MAP3K7CL: variants seen among roughly 807,000 people sequenced by gnomAD.
MAP3K7CL encodes MAP3K7 C-terminal-like protein.
Under a neutral mutation model 18.6 loss-of-function variants are expected in MAP3K7CL, and 16 were observed. The observed-to-expected ratio is 0.86, with a 90% confidence interval of 0.58 to 1.31. MAP3K7CL has a LOEUF of 1.31. Ranked by LOEUF, MAP3K7CL falls within the 50% of genes most tolerant of loss-of-function variation. MAP3K7CL has a pLI of 0.00. For synonymous variants in MAP3K7CL, 65 were observed against 66.8 expected (o/e 0.97, Z 0.13); for missense variants, 163 against 174.4 (o/e 0.93, Z 0.37).
intron 4 of MAP3K7CL, among the ~76,000 whole-genome samples, chr21:29,106,816 G>T (rs962910814): frequency 6.6e-6 from 1 of 152,178 alleles, no homozygotes; most frequent in African/African-American, 2.4e-5. Flanking sequence ...GCAGGCCTCT[G>T]CCCTACTCTC....
intron 4 of MAP3K7CL, among the ~76,000 whole-genome samples, chr21:29,103,508 A>T (rs1250054197): frequency 6.6e-6 from 1 of 152,206 alleles, no homozygotes; most frequent in Non-Finnish European, 1.5e-5. Context: ...AAGAGGGCAG[A>T]TCACTTGAGG....
At chr21:29,087,578 A>G (rs567539909) in intron 1 of MAP3K7CL, among the ~76,000 whole-genome samples, 2 of 133,464 alleles carry the variant, frequency 1.5e-5, no homozygotes, top group African/African-American at 5.6e-5. Context: ...TCTAATGCTC[A>G]TTTTCTTTTT....
intron 4 of MAP3K7CL, chr21:29,092,639 C>T (rs2086049838): frequency 3.8e-6 from 6 of 1,595,808 alleles, no homozygotes; most frequent in South Asian, 1.1e-5. Flanking sequence ...TTACACACTG[C>T]ACCATGGGAG....
intron 3 of MAP3K7CL, among the ~76,000 whole-genome samples, chr21:29,156,343 G>C (rs1189835491): frequency 6.6e-6 from 1 of 152,106 alleles, no homozygotes; most frequent in East Asian, 1.9e-4. Context: ...GTTACCCACA[G>C]GTATTCTTTT....
chr21:29,086,433 T>C (rs8133819), intron 1 of MAP3K7CL, among the ~76,000 whole-genome samples: 26,758 of 152,090 alleles, frequency 0.18, 2,648 homozygotes, highest in African/African-American at 0.27. Flanking sequence ...CCCACCCAGC[T>C]TGGAAAACAG....
intron 4 of MAP3K7CL, among the ~76,000 whole-genome samples, chr21:29,117,109 ATTTC>A (rs1456302829): frequency 2.6e-5 from 4 of 152,110 alleles, no homozygotes; most frequent in Non-Finnish European, 4.4e-5. Context: ...CTATCAATAT[ATTTC>A]TTCTATTTGA....
intron 4 of MAP3K7CL, among the ~76,000 whole-genome samples, chr21:29,110,883 G>A (rs139638550): frequency 1.2e-4 from 18 of 152,180 alleles, no homozygotes; most frequent in East Asian, 5.8e-4. Context: ...AAATCTGAAC[G>A]TATATATTTT....
upstream of MAP3K7CL, among the ~76,000 whole-genome samples, chr21:29,126,552 G>A (rs562775314): frequency 4.6e-5 from 7 of 152,200 alleles, no homozygotes; most frequent in Non-Finnish European, 8.8e-5. Flanking sequence ...TTCACCTCCC[G>A]AGTTCAAGTG....
intron 4 of MAP3K7CL, among the ~76,000 whole-genome samples, chr21:29,107,821 G>T (rs920769123): frequency 2.0e-5 from 3 of 152,178 alleles, no homozygotes; most frequent in African/African-American, 7.2e-5. Flanking sequence ...TCTATTAAAG[G>T]TTAGTGAAAA....
At chr21:29,116,663 G>T (rs1396441950) in intron 4 of MAP3K7CL, among the ~76,000 whole-genome samples, 1 of 152,048 alleles carries the variant, frequency 6.6e-6, no homozygotes, top group Non-Finnish European at 1.5e-5. Flanking sequence ...TCTTCATTTA[G>T]TTTTTCTTGA....
intron 4 of MAP3K7CL, among the ~76,000 whole-genome samples, chr21:29,106,379 C>T (rs1437200110): frequency 6.6e-6 from 1 of 152,126 alleles, no homozygotes; most frequent in East Asian, 1.9e-4. Context: ...GACAGAATTT[C>T]ACCTGTTGGC....
upstream of MAP3K7CL, chr21:29,127,650 T>C (rs1283113390): frequency 6.6e-6 from 1 of 152,202 alleles, no homozygotes; most frequent in Non-Finnish European, 1.5e-5. Context: ...TTTCTCATTG[T>C]TGTCAAATTA....
At chr21:29,161,320 C>A (rs756717505) in intron 4 of MAP3K7CL, among the ~76,000 whole-genome samples, 123 of 151,994 alleles carry the variant, frequency 8.1e-4, no homozygotes, top group Non-Finnish European at 1.0e-3. Context: ...TCAAAAAAAA[C>A]AATTTTTTTT....
chr21:29,121,652 C>A (rs1486312847), intron 4 of MAP3K7CL, among the ~76,000 whole-genome samples: 3 of 152,078 alleles, frequency 2.0e-5, no homozygotes, highest in African/African-American at 7.2e-5. Flanking sequence ...ATGAGCCAAG[C>A]AGTTCAGTGT....
chr21:29,077,340 A>C, upstream of MAP3K7CL: 1 of 153,348 alleles, frequency 6.5e-6, no homozygotes, highest in South Asian at 2.0e-4. Flanking sequence ...GAAATTGAGC[A>C]CGGCAGCTGC....
At chr21:29,153,623 A>AT (rs1183796459) in intron 3 of MAP3K7CL, among the ~76,000 whole-genome samples, 2 of 151,790 alleles carry the variant, frequency 1.3e-5, no homozygotes, top group Non-Finnish European at 2.9e-5. Flanking sequence ...TAATTTTTGT[A>AT]TTTTTTGTAG....
chr21:29,109,049 C>A, intron 4 of MAP3K7CL: 1 of 1,533,022 alleles, frequency 6.5e-7, no homozygotes, highest in Non-Finnish European at 8.7e-7. Context: ...GGTTGACATT[C>A]GTAACCTTCC....
rs1033245972 is a variant in MAP3K7CL, at chr21:29,131,035, A to T, written c.-40+112A>T. On this transcript the variant is annotated intron_variant, in intron 1 of 4. Coordinates refer to ENST00000399928, the MANE Select transcript of MAP3K7CL (RefSeq NM_001286620.2). ...AGGAACCTGTGGTTCGTTTCCCCAG[A>T]CGGTGTGATGAAAAGGCAAGTTGGT... 3 of 660,246 alleles carry T rather than the reference A, an allele frequency of 4.5e-6. No homozygotes were observed. The African/African-American group carries it at 5.9e-5, about 13-fold the overall frequency. The allele number at this position is 660,246 out of a possible 1,614,324, so 40.9% of individuals were successfully genotyped here.
intron 3 of MAP3K7CL, among the ~76,000 whole-genome samples, chr21:29,158,917 C>CTTTTTTTT (rs36003464): frequency 2.0e-5 from 2 of 100,446 alleles, no homozygotes; most frequent in Non-Finnish European, 3.9e-5. Flanking sequence ...AAAAGTAGTA[C>CTTTTTTTT]TTTTTTTTTT....
Sources: gnomAD v4.1 joint callset for allele counts (sites outside exome capture counted in the v4.1 genomes callset) on GRCh38, gnomAD v4.1.1 for gene constraint, MANE v1.5 for transcripts, NCBI Gene and HGNC (gene_info 2026-07-23, HGNC 2026-07-21) for gene names.